The following ADAMTS12 variants were observed in gnomAD, a reference collection of about 807,000 sequenced individuals.
ADAMTS12 encodes ADAM metallopeptidase with thrombospondin type 1 motif 12.
In ADAMTS12, 118 loss-of-function variants were observed where a neutral mutation model predicts 167.8. The observed-to-expected ratio is 0.70, with a 90% CI of 0.61 to 0.82. The LOEUF is 0.82. Ranked by LOEUF, ADAMTS12 falls within the 40% of genes least tolerant of loss-of-function variation. ADAMTS12 has a pLI of 0.00. For synonymous variants in ADAMTS12, 704 were observed against 716.9 expected, an observed-to-expected ratio of 0.98 and a Z score of 0.29; for missense variants, 1,916 against 1,998.8, an observed-to-expected ratio of 0.96 and a Z score of 0.79.
chr5:33,811,302 A>C (rs1002891104), intron 2 of ADAMTS12, among the ~76,000 whole-genome samples: 1 of 152,250 alleles, frequency 6.6e-6, no homozygotes, highest in Non-Finnish European at 1.5e-5. Context: ...GATAATAAAC[A>C]TATTAAACTA....
intron 3 of ADAMTS12, among the ~76,000 whole-genome samples, chr5:33,725,918 A>G (rs1300768144): frequency 1.3e-5 from 2 of 152,160 alleles, no homozygotes; most frequent in African/African-American, 2.4e-5. Context: ...TCCCCGGGGG[A>G]TTCTGATGCA....
At chr5:33,791,845 A>G (rs1047859391) in intron 2 of ADAMTS12, among the ~76,000 whole-genome samples, 9 of 144,426 alleles carry the variant, frequency 6.2e-5, no homozygotes, top group African/African-American at 2.4e-4. Flanking sequence ...ACTAATACCC[A>G]TCCTCCAAGC....
intron 2 of ADAMTS12, among the ~76,000 whole-genome samples, chr5:33,804,866 T>C (rs900862210): frequency 6.6e-6 from 1 of 152,032 alleles, no homozygotes; most frequent in Non-Finnish European, 1.5e-5. Flanking sequence ...AGATAGAACA[T>C]TGTACTCCAA....
intron 2 of ADAMTS12, among the ~76,000 whole-genome samples, chr5:33,870,400 T>C (rs1392773416): frequency 2.0e-5 from 3 of 152,170 alleles, no homozygotes; most frequent in Non-Finnish European, 4.4e-5. Flanking sequence ...ATTATAAAAG[T>C]ATTAATTTGG....
At chr5:33,789,457 C>T (rs1213751044) in intron 2 of ADAMTS12, among the ~76,000 whole-genome samples, 4 of 152,174 alleles carry the variant, frequency 2.6e-5, no homozygotes, top group Non-Finnish European at 4.4e-5. Flanking sequence ...GTCTCTAGAC[C>T]GCTCTCAGGG....
chr5:33,646,733 A>ACG (rs1370646394), intron 9 of ADAMTS12, among the ~76,000 whole-genome samples: 1 of 100,610 alleles, frequency 9.9e-6, no homozygotes, highest in Admixed American at 1.0e-4. Flanking sequence ...AACACGTAAT[A>ACG]TGTTAAAAAA....
rs549163124 is a variant in ADAMTS12, at chr5:33,769,011, T to C, written c.490-17463A>G. ...GGTAAGGATAATCCTTACCTTCAGA[T>C]AGGGATTATCAAGGTGGGCCTGAGT... is the stretch of plus-strand genomic sequence containing the variant. On this transcript the variant is annotated intron_variant, in intron 2 of 23. Transcript: ENST00000504830. Among the ~76,000 whole-genome samples, 4 of 152,034 alleles carry C rather than the reference T, an allele frequency of 2.6e-5. No individual in the cohort carries two copies. The South Asian group carries it at 6.2e-4, about 24-fold the overall frequency.
At chr5:33,771,998 A>G (rs2112426901) in intron 2 of ADAMTS12, among the ~76,000 whole-genome samples, 1 of 152,114 alleles carries the variant, frequency 6.6e-6, no homozygotes, top group East Asian at 1.9e-4. Flanking sequence ...CTGAGACTAC[A>G]GGTATCTGCC....
chr5:33,536,905 G>T (rs996541413), intron 22 of ADAMTS12, among the ~76,000 whole-genome samples: 1 of 152,154 alleles, frequency 6.6e-6, no homozygotes, highest in Non-Finnish European at 1.5e-5. Context: ...GGTCATGTTT[G>T]CTTTGATTAG....
chr5:33,620,796 A>C (rs1739284423), intron 14 of ADAMTS12, among the ~76,000 whole-genome samples: 1 of 152,186 alleles, frequency 6.6e-6, no homozygotes, highest in Non-Finnish European at 1.5e-5. Flanking sequence ...TAGGCTACAC[A>C]GTTCATCTGT....
chr5:33,767,541 T>C (rs10472893), intron 2 of ADAMTS12, among the ~76,000 whole-genome samples: 1 of 152,118 alleles, frequency 6.6e-6, no homozygotes, highest in Middle Eastern at 3.4e-3. Context: ...AATGGTTTCA[T>C]TGGTAACATG....
At chr5:33,570,655 A>C (rs1335591653) in intron 19 of ADAMTS12, among the ~76,000 whole-genome samples, 2 of 152,214 alleles carry the variant, frequency 1.3e-5, no homozygotes, top group East Asian at 3.8e-4. Flanking sequence ...CCAAAATGTA[A>C]AGACCATCGA....
intron 18 of ADAMTS12, among the ~76,000 whole-genome samples, chr5:33,583,473 T>C (rs1244750588): frequency 6.6e-6 from 1 of 152,214 alleles, no homozygotes; most frequent in Non-Finnish European, 1.5e-5. Flanking sequence ...GATATCCCTT[T>C]GATAGACTGG....
rs1288797503 is a variant in ADAMTS12, at chr5:33,823,074, G to C, written c.489+58045C>G. ...CCACTTCACTCCAACCTGGGTGACA[G>C]AGGAAGACCCCATTTCTAAAAAAAA... On this transcript the variant is annotated intron_variant, in intron 2 of 23. Transcript: ENST00000504830. 5.1e-5 allele frequency among the ~76,000 whole-genome samples: 7 copies of C among 137,434 alleles called. No homozygotes were observed. The East Asian group carries it at 1.3e-3, about 25-fold the overall frequency. 90.2% of individuals were successfully genotyped at this position (137,434 alleles called of 152,430 possible). A position where few individuals can be genotyped will look rare whatever the true frequency, so the allele number is the denominator to read the frequency against.
chr5:33,713,685 G>T (rs1333563534), intron 3 of ADAMTS12, among the ~76,000 whole-genome samples: 15 of 152,050 alleles, frequency 9.9e-5, no homozygotes, highest in Non-Finnish European at 1.5e-5. Flanking sequence ...TGAAACTAAT[G>T]AAACTAATGA....
At chr5:33,751,890 A>C (rs965354901) in intron 2 of ADAMTS12, among the ~76,000 whole-genome samples, 8 of 152,340 alleles carry the variant, frequency 5.3e-5, no homozygotes, top group African/African-American at 1.9e-4. Flanking sequence ...ATGAAGACCC[A>C]GTGCTTCCCA....
chr5:33,588,733 T>G lies in ADAMTS12; in HGVS notation c.2731A>C (p.Ile911Leu). ...TGCTCGTCAGAGACCATGGTCTGGA[T>G]GCACAGCACGGTTCGCTTCTTCTCC... is the stretch of plus-strand genomic sequence containing the variant. ...HGEKKRTVLC[I>L]QTMVSDEQAL... is the part of the protein sequence containing the mutation. The change falls in exon 18 of 24, where the codon ATC becomes CTC. Residue 911 changes from isoleucine to leucine, a missense_variant. Transcript: ENST00000504830. The G allele has an allele frequency of 6.2e-7, 1 of 1,614,154 alleles. No homozygotes were observed. The highest frequency in any genetic ancestry group is 8.5e-7 in the Non-Finnish European group (1 of 1,180,014).
intron 19 of ADAMTS12, among the ~76,000 whole-genome samples, chr5:33,570,271 A>T (rs1018328944): frequency 1.1e-4 from 17 of 152,218 alleles, no homozygotes; most frequent in South Asian, 1.0e-3. Context: ...CCTTGAGAAG[A>T]GCAACTCCAA....
At chr5:33,541,929 A>C (rs559601164) in intron 22 of ADAMTS12, among the ~76,000 whole-genome samples, 2 of 152,222 alleles carry the variant, frequency 1.3e-5, no homozygotes, top group Non-Finnish European at 2.9e-5. Flanking sequence ...AACTGCATCA[A>C]TTAACGGGCA....
Sources: allele counts gnomAD v4.1 joint callset (sites outside exome capture counted in the v4.1 genomes callset), GRCh38; gene constraint gnomAD v4.1.1; transcripts MANE v1.5; gene names NCBI Gene and HGNC (gene_info 2026-07-23, HGNC 2026-07-21).